Variants in ERC2 observed in about 807,000 individuals in gnomAD.
ERC2 encodes ERC protein 2.
Under a neutral mutation model 114.8 loss-of-function variants are expected in ERC2, and 42 were observed. The ratio of observed to expected loss-of-function variants is 0.37; its 90% confidence interval spans 0.29 to 0.47. The LOEUF is 0.47. Among genes scored for constraint, ERC2 ranks in the 20% least tolerant of loss-of-function variants. The pLI is 0.99. For synonymous variants in ERC2, 454 were observed against 425.5 expected (o/e 1.07, Z -0.82); for missense variants, 939 against 1,150.7 (o/e 0.82, Z 2.66).
intron 8 of ERC2, 103 bp downstream of exon 8, chr3:56,018,791 T>TAGCAAAAGAAGAAA: frequency 7.6e-7 from 1 of 1,314,608 alleles, no homozygotes; most frequent in South Asian, 1.4e-5. Context: ...AAGGTAGTGT[T>TAGCAAAAGAAGAAA]AGCAAAAGAA....
chr3:56,437,136 T>G (rs953990253), intron 1 of ERC2, among the ~76,000 whole-genome samples: 7 of 152,368 alleles, frequency 4.6e-5, no homozygotes, highest in Middle Eastern at 6.8e-3. Context: ...AGCAGACGCC[T>G]TAAGCAACAC....
chr3:55,838,348 A>G (rs2060989867), intron 14 of ERC2, among the ~76,000 whole-genome samples: 2 of 152,244 alleles, frequency 1.3e-5, no homozygotes, highest in African/African-American at 4.8e-5. Flanking sequence ...AAAGATTATA[A>G]AAAGTATGTT....
At chr3:56,284,156 G>A (rs1448090880) in intron 3 of ERC2, among the ~76,000 whole-genome samples, 1 of 152,190 alleles carries the variant, frequency 6.6e-6, no homozygotes, top group African/African-American at 2.4e-5. Flanking sequence ...TGGGGTGAGT[G>A]GTGTAGGTGA....
At chr3:55,909,604 G>C (rs1407331896) in intron 13 of ERC2, among the ~76,000 whole-genome samples, 1 of 151,974 alleles carries the variant, frequency 6.6e-6, no homozygotes, top group African/African-American at 2.4e-5. Context: ...GAAACCTAAG[G>C]GTAAAGGTTC....
intron 12 of ERC2, among the ~76,000 whole-genome samples, chr3:55,963,768 A>G (rs1440908395): frequency 6.6e-6 from 1 of 152,194 alleles, no homozygotes. Context: ...TTGGAGCAAT[A>G]TAAAAACATA....
chr3:55,923,555 T>C (rs1392331606), intron 13 of ERC2, among the ~76,000 whole-genome samples: 3 of 152,114 alleles, frequency 2.0e-5, no homozygotes, highest in Non-Finnish European at 4.4e-5. Context: ...GAAGATATAA[T>C]AGCAAACAAG....
At chr3:56,366,827 A>C (rs181695205) in intron 2 of ERC2, among the ~76,000 whole-genome samples, 123 of 152,270 alleles carry the variant, frequency 8.1e-4, no homozygotes, top group African/African-American at 2.9e-3. Flanking sequence ...CACTTGGACA[A>C]ACGTTTCTGT....
chr3:55,986,004 G>T lies in ERC2; in HGVS notation c.2256-16C>A, dbSNP rs375817376. 19 of 1,539,558 alleles carry T rather than the reference G, an allele frequency of 1.2e-5. No homozygotes were observed. In the African/African-American group the frequency reaches 2.5e-4, roughly 20 times the overall value. On this transcript the variant is annotated splice_polypyrimidine_tract_variant and intron_variant, in intron 11 of 17. Transcript: ENST00000288221. ...GAGAGTCAAGCTGATTGGAGCAAGG[G>T]TGAAAGCAGCAATTTGGAGGATAAG...
chr3:56,060,782 G>A (rs1259481417), intron 7 of ERC2, among the ~76,000 whole-genome samples: 1 of 152,160 alleles, frequency 6.6e-6, no homozygotes, highest in African/African-American at 2.4e-5. Context: ...ACATGACAGT[G>A]CTCAGGGCCA....
At chr3:56,431,991 G>A (rs551176433) in intron 2 of ERC2, among the ~76,000 whole-genome samples, 10 of 152,260 alleles carry the variant, frequency 6.6e-5, no homozygotes, top group Non-Finnish European at 1.3e-4. Flanking sequence ...AACCTGAGAC[G>A]GTTAAGTGGA....
intron 14 of ERC2, among the ~76,000 whole-genome samples, chr3:55,741,141 T>G (rs1025043732): frequency 6.6e-6 from 1 of 152,182 alleles, no homozygotes; most frequent in Non-Finnish European, 1.5e-5. Context: ...GTATACTGAA[T>G]ATAATTTTAT....
chr3:55,861,958 C>T (rs2062047067), intron 14 of ERC2, among the ~76,000 whole-genome samples: 1 of 152,232 alleles, frequency 6.6e-6, no homozygotes, highest in African/African-American at 2.4e-5. Flanking sequence ...ATAGGCCATG[C>T]TCAGCCAGTG....
At chr3:56,043,723 A>T (rs112570800) in intron 7 of ERC2, among the ~76,000 whole-genome samples, 7 of 152,272 alleles carry the variant, frequency 4.6e-5, no homozygotes, top group African/African-American at 1.7e-4. Flanking sequence ...TTCTAAACTT[A>T]TAAGTTAGTT....
In ERC2 at chr3:56,136,656, G is replaced by A. The variant is rs551713136; in HGVS notation, c.1473+2853C>T. Among the ~76,000 whole-genome samples the A allele has an allele frequency of 4.6e-5, 7 of 152,148 alleles. No homozygotes were observed. In the East Asian group the frequency reaches 1.4e-3, roughly 29 times the overall value. ...ATTTACCTCTGCTATCCCAAAGAGT[G>A]GGGAAATCACTTTAAAGTATTCTAC... On this transcript the variant is annotated intron_variant, in intron 6 of 17. Transcript: ENST00000288221.
intron 6 of ERC2, among the ~76,000 whole-genome samples, chr3:56,096,331 T>A (rs2149794479): frequency 6.6e-6 from 1 of 152,304 alleles, no homozygotes; most frequent in African/African-American, 2.4e-5. Flanking sequence ...AGGAGGCATT[T>A]TCATGAGGCC....
intron 3 of ERC2, among the ~76,000 whole-genome samples, chr3:56,264,643 A>G: frequency 6.6e-6 from 1 of 151,988 alleles, no homozygotes; most frequent in East Asian, 1.9e-4. Context: ...AGGCACTCAA[A>G]TAGGGAAGGA....
At chr3:56,205,241 A>G (rs1032000225) in intron 3 of ERC2, among the ~76,000 whole-genome samples, 30 of 152,134 alleles carry the variant, frequency 2.0e-4, no homozygotes, top group African/African-American at 6.5e-4. Context: ...GGACGACTAA[A>G]TGCTTGATCA....
intron 7 of ERC2, among the ~76,000 whole-genome samples, chr3:56,041,749 G>C (rs1279133799): frequency 2.0e-5 from 3 of 152,064 alleles, no homozygotes; most frequent in African/African-American, 7.2e-5. Flanking sequence ...CCATGATGCC[G>C]TTCTTCAAGT....
At chr3:55,746,364 G>C (rs1464987599) in intron 14 of ERC2, among the ~76,000 whole-genome samples, 1 of 152,056 alleles carries the variant, frequency 6.6e-6, no homozygotes, top group Non-Finnish European at 1.5e-5. Flanking sequence ...CTCCCGAGTA[G>C]CTGAGATTAC....
Sources: allele counts gnomAD v4.1 joint callset (sites outside exome capture counted in the v4.1 genomes callset), GRCh38; gene constraint gnomAD v4.1.1; transcripts MANE v1.5; gene names NCBI Gene and HGNC (gene_info 2026-07-23, HGNC 2026-07-21).